The following DIAPH3 variants were observed in gnomAD, a reference collection of about 807,000 sequenced individuals.
DIAPH3 encodes the protein protein diaphanous homolog 3.
DIAPH3 carries 117 observed loss-of-function variants against 144.3 expected under a neutral mutation model. The observed-to-expected ratio is 0.81, with a 90% CI of 0.70 to 0.95. The LOEUF (loss-of-function observed/expected upper bound fraction) is 0.95. Ranked by LOEUF, DIAPH3 falls within the 40% of genes least tolerant of loss-of-function variation. The probability of loss-of-function intolerance (pLI) is 0.00; values close to 1 mark genes in which losing one functional copy is unlikely to be tolerated. For missense variants in DIAPH3, 1,421 were observed against 1,412.7 expected, an observed-to-expected ratio of 1.01 and a Z score of -0.09; for synonymous variants, 519 against 488.9, an observed-to-expected ratio of 1.06 and a Z score of -0.81.
chr13:59,944,529 T>C (rs2048704434), intron 17 of DIAPH3, among the ~76,000 whole-genome samples: 1 of 152,160 alleles, frequency 6.6e-6, no homozygotes, highest in African/African-American at 2.4e-5. Flanking sequence ...TTTTATTTTC[T>C]GGAAGACAAC....
intron 9 of DIAPH3, among the ~76,000 whole-genome samples, chr13:59,994,460 C>T (rs756221652): frequency 2.6e-5 from 4 of 151,830 alleles, no homozygotes; most frequent in Admixed American, 1.3e-4. Flanking sequence ...TATCAATCAA[C>T]GCCTAGAGAT....
At chr13:59,727,721 TA>T (rs2035675930) in intron 27 of DIAPH3, among the ~76,000 whole-genome samples, 1 of 151,990 alleles carries the variant, frequency 6.6e-6, no homozygotes, top group Non-Finnish European at 1.5e-5. Context: ...GTAGAGAAAA[TA>T]AATAAACCAT....
intron 27 of DIAPH3, among the ~76,000 whole-genome samples, chr13:59,755,838 G>A (rs895235199): frequency 9.2e-5 from 14 of 151,706 alleles, no homozygotes; most frequent in African/African-American, 3.4e-4. Flanking sequence ...GAATATAGAG[G>A]ATAATATACA....
chr13:59,697,459 C>CAAAAAAAAAAAAAAAAAAAAAAAAAAAAA (rs58372882), intron 27 of DIAPH3, among the ~76,000 whole-genome samples: 1 of 31,164 alleles, frequency 3.2e-5, no homozygotes, highest in African/African-American at 1.2e-4. Flanking sequence ...GACACTGTCT[C>CAAAAAAAAAAAAAAAAAAAAAAAAAAAAA]AAAAAAAAAA....
At chr13:60,064,889 C>T (rs1286555855) in intron 4 of DIAPH3, among the ~76,000 whole-genome samples, 1 of 152,030 alleles carries the variant, frequency 6.6e-6, no homozygotes, top group Non-Finnish European at 1.5e-5. Flanking sequence ...ACTTAGAAGT[C>T]ATTGTAGGGT....
intron 22 of DIAPH3, among the ~76,000 whole-genome samples, chr13:59,848,184 C>T (rs1024733025): frequency 6.6e-6 from 1 of 152,082 alleles, no homozygotes; most frequent in Admixed American, 6.5e-5. Flanking sequence ...CATTATTCAT[C>T]TACACTTTTT....
chr13:59,790,536 AT>A (rs1209510667), intron 25 of DIAPH3, among the ~76,000 whole-genome samples: 3 of 152,236 alleles, frequency 2.0e-5, no homozygotes, highest in African/African-American at 7.2e-5. Context: ...AGAAATGCAG[AT>A]TTATTCTGCC....
Position 59,919,335 on chromosome 13 carries a change from T to C in DIAPH3, c.2171-3086A>G, listed in dbSNP as rs551290981. On this transcript the variant is annotated intron_variant, in intron 18 of 27. Coordinates refer to ENST00000400324, the MANE Select transcript of DIAPH3 (RefSeq NM_001042517.2). ...GGAAGGTAAAAGGTGTCTAGTATGATTGAATCCAATACTACACCATGACAT... is the reference window on the plus strand; with the variant it reads ...GGAAGGTAAAAGGTGTCTAGTATGACTGAATCCAATACTACACCATGACAT... 3.3e-5 allele frequency among the ~76,000 whole-genome samples: 5 copies of C among 152,232 alleles called. No homozygotes were observed. The South Asian group carries it at 8.3e-4, about 25-fold the overall frequency.
At chr13:59,761,665 C>G (rs1643509475) in intron 27 of DIAPH3, among the ~76,000 whole-genome samples, 1 of 152,168 alleles carries the variant, frequency 6.6e-6, no homozygotes, top group Admixed American at 6.5e-5. Context: ...CTCCTATCAT[C>G]CCTATCACTC....
intron 21 of DIAPH3, among the ~76,000 whole-genome samples, chr13:59,874,231 T>C (rs9570221): frequency 0.49 from 74,438 of 151,868 alleles, 19,563 homozygotes; most frequent in Non-Finnish European, 0.57. Flanking sequence ...TGAACTGGTG[T>C]GGGGACTGCG....
chr13:59,811,796 G>A (rs573920256), intron 24 of DIAPH3, among the ~76,000 whole-genome samples: 16 of 149,578 alleles, frequency 1.1e-4, no homozygotes, highest in Non-Finnish European at 3.0e-5. Context: ...CTCTGGCTTT[G>A]ATCAAAACTA....
rs532650315 is a variant in DIAPH3, at chr13:59,895,304, C to T, written c.2368-15836G>A. Among the ~76,000 whole-genome samples the T allele has an allele frequency of 9.9e-5, 15 of 151,680 alleles. No individual in the cohort carries two copies. The East Asian group carries it at 2.3e-3, about 23-fold the overall frequency. ...AAAATCACTTTGGCTATTCGGTATC[C>T]GCTCTTCTAAATAACTGTAATATCT... On this transcript the variant is annotated intron_variant, in intron 20 of 27. Transcript: ENST00000400324.
intron 27 of DIAPH3, among the ~76,000 whole-genome samples, chr13:59,697,745 C>T (rs536694690): frequency 6.6e-6 from 1 of 152,040 alleles, no homozygotes; most frequent in South Asian, 2.1e-4. Context: ...GTTTTCACTT[C>T]CACACAAGCT....
intron 5 of DIAPH3, among the ~76,000 whole-genome samples, chr13:60,018,192 A>G (rs552027033): frequency 6.6e-6 from 1 of 152,342 alleles, no homozygotes; most frequent in Non-Finnish European, 1.5e-5. Flanking sequence ...GTATAGCCAC[A>G]AAGATATTCT....
intron 25 of DIAPH3, among the ~76,000 whole-genome samples, chr13:59,800,209 T>C (rs1322816084): frequency 1.3e-5 from 2 of 152,218 alleles, no homozygotes; most frequent in Non-Finnish European, 2.9e-5. Flanking sequence ...TGGAAAATTT[T>C]ATCTCTAAGC....
At position 59,981,661 on chromosome 13, in the gene DIAPH3, C is replaced by T. The variant is rs563422227; in HGVS notation, c.1481-802G>A. 3.1e-3 allele frequency among the ~76,000 whole-genome samples: 473 copies of T among 150,886 alleles called. 3 individuals are homozygous for T. Among genetic ancestry groups the T allele is most frequent in the African/African-American group, 0.01 (413 of 41,276 alleles). The stretch of plus-strand genomic sequence containing the variant: ...TCCCTTCTTTTTTATTAAATGAAAG[C>T]GATACATGAACAAAGTTTATAAAAA... On this transcript the variant is annotated intron_variant, in intron 13 of 27. Coordinates refer to ENST00000400324, the MANE Select transcript of DIAPH3 (RefSeq NM_001042517.2).
At chr13:60,132,158 GT>G (rs538768558) in intron 2 of DIAPH3, among the ~76,000 whole-genome samples, 2 of 152,078 alleles carry the variant, frequency 1.3e-5, no homozygotes, top group Non-Finnish European at 2.9e-5. Flanking sequence ...CAAGATCTAC[GT>G]TTCATTCGTC....
intron 17 of DIAPH3, among the ~76,000 whole-genome samples, chr13:59,954,755 G>T (rs1271529255): frequency 1.3e-5 from 2 of 152,126 alleles, no homozygotes; most frequent in Non-Finnish European, 2.9e-5. Flanking sequence ...CAAAGGGGAA[G>T]CCAGTACATC....
At chr13:59,906,459 G>C (rs1263563748) in intron 20 of DIAPH3, among the ~76,000 whole-genome samples, 7 of 152,162 alleles carry the variant, frequency 4.6e-5, no homozygotes, top group Admixed American at 4.6e-4. Context: ...CATCTACATT[G>C]TATTCAATAT....
Sources: allele counts gnomAD v4.1 joint callset (sites outside exome capture counted in the v4.1 genomes callset), GRCh38; gene constraint gnomAD v4.1.1; transcripts MANE v1.5; gene names NCBI Gene and HGNC (gene_info 2026-07-23, HGNC 2026-07-21).